The following CXCL12 variants were observed in gnomAD, a reference collection of about 807,000 sequenced individuals.
CXCL12 encodes stromal cell-derived factor 1.
CXCL12 carries 4 observed loss-of-function variants against 10.7 expected under a neutral mutation model. That is an observed-to-expected ratio of 0.37 (90% confidence interval 0.18 to 0.86). The LOEUF is 0.86. Among genes scored for constraint, CXCL12 ranks in the 40% least tolerant of loss-of-function variants. The pLI is 0.43. For synonymous variants in CXCL12, 54 were observed against 45.4 expected (o/e 1.19, Z -0.77); for missense variants, 122 against 110.4 (o/e 1.10, Z -0.47).
chr10:44,372,761 C>T, downstream of CXCL12: 2 of 1,438,388 alleles, frequency 1.4e-6, no homozygotes, highest in Non-Finnish European at 1.8e-6. Context: ...CCTCACACTG[C>T]TGCCTCAGCT....
At position 44,380,820 on chromosome 10, in the gene CXCL12, C is replaced by T. The variant is rs1348700155; in HGVS notation, c.122G>A (p.Arg41Lys). The T allele has an allele frequency of 6.2e-7, 1 of 1,614,244 alleles. No individual in the cohort carries two copies. The highest frequency in any genetic ancestry group is 1.1e-5 in the South Asian group (1 of 91,084). Residue 41 changes from arginine to lysine, a missense_variant, in exon 2 of 3, where the codon AGA (arginine) becomes AAA (lysine). Coordinates refer to ENST00000343575, the MANE Select transcript of CXCL12 (RefSeq NM_199168.4). ...AATTTTGAGATGCTTGACGTTGGCT[C>T]TGGCAACATGGCTTTCGAAGAATCG... Reference protein sequence around the residue: ...PCRFFESHVARANVKHLKILN... With the variant: ...PCRFFESHVAKANVKHLKILN...
At chr10:44,373,426 G>T, downstream of CXCL12, 1 of 1,242,404 alleles carries the variant, frequency 8.0e-7, no homozygotes. Flanking sequence ...CGGCCTGCGC[G>T]GAGGCCCTGG....
Position 44,378,310 on chromosome 10 carries a change from T to C in CXCL12, c.*323A>G. The C allele has an allele frequency of 2.0e-6, 3 of 1,477,682 alleles. No homozygotes were observed. The highest frequency in any genetic ancestry group is 1.8e-6 in the Non-Finnish European group (2 of 1,103,690). The allele number at this position is 1,477,682 out of a possible 1,614,324, so 91.5% of individuals were successfully genotyped here. A position where few individuals can be genotyped will look rare whatever the true frequency, so the allele number is the denominator to read the frequency against. ...AGAATGAGAATGATGATGATTGTGA[T>C]GATCATGAAGGAACTAACTGCTTGA... On this transcript the variant is annotated 3_prime_UTR_variant, in exon 3 of 3. Transcript: ENST00000343575.
At chr10:44,374,861 G>A (rs1435681648), downstream of CXCL12, 14 of 368,702 alleles carry the variant, frequency 3.8e-5, no homozygotes, top group East Asian at 7.3e-4. Flanking sequence ...TCCTTTTTCC[G>A]AGCACTACTG....
chr10:44,380,917 C>T (rs80146880), intron 1 of CXCL12, 37 bp from the exon 2 acceptor site: 671 of 1,572,866 alleles, frequency 4.3e-4, no homozygotes, highest in Non-Finnish European at 5.5e-4. Context: ...CTTTACTACC[C>T]TGCCAGATTT....
downstream of CXCL12, chr10:44,373,152 A>T (rs1415797202): frequency 2.9e-5 from 44 of 1,536,614 alleles, 1 homozygote; most frequent in Admixed American, 8.8e-4. Context: ...TGAAAAATAA[A>T]TGTCATGTAT....
chr10:44,370,652 C>G (rs569929554), exon 4 of CXCL12: 1 of 152,216 alleles, frequency 6.6e-6, no homozygotes, highest in Non-Finnish European at 1.5e-5. Context: ...ACCAGTCAGA[C>G]GATCACACCA....
rs746983728 is a variant in CXCL12 at position 44,384,933 on chromosome 10, G to A, written c.61+12C>T. 1 of 1,542,438 alleles carries A rather than the reference G, an allele frequency of 6.5e-7. No individual in the cohort carries two copies. ...AGAGCCTCGCCAGGGCCTCCCCGCCGAGCGCACTTACCGTCGCTGAGGCAG... is the reference window on the plus strand; with the variant it reads ...AGAGCCTCGCCAGGGCCTCCCCGCCAAGCGCACTTACCGTCGCTGAGGCAG... On this transcript the variant is annotated intron_variant, in intron 1 of 2. Coordinates refer to ENST00000343575, the MANE Select transcript of CXCL12 (RefSeq NM_199168.4).
At position 44,380,777 on chromosome 10, in the gene CXCL12, A is replaced by T. The variant is rs771897090; in HGVS notation, c.165T>A (p.Cys55Ter). 1.2e-6 allele frequency: 2 copies of T among 1,613,676 alleles called. No individual in the cohort carries two copies. The highest frequency in any genetic ancestry group is 1.7e-6 in the Non-Finnish European group (2 of 1,179,522). ...TCAAGACTTACACAATCTGAAGGGC[A>T]CAGTTTGGAGTGTTGAGAATTTTGA... ...KHLKILNTPN[C>*]ALQIVARLKN... Residue 55 changes from cysteine to a stop codon, truncating the protein, a stop_gained, in exon 2 of 3, where the codon TGT (cysteine) becomes TGA (stop). Transcript: ENST00000343575. LOFTEE classifies it high-confidence loss of function.
rs748985781 is a variant in CXCL12 at position 44,380,866 on chromosome 10, G to A, written c.76C>T (p.Leu26=). The change falls in exon 2 of 3, where the codon CTG becomes TTG. Residue 26 remains leucine, a synonymous_variant. Transcript: ENST00000343575. ...LCLSDGKPVS[L]SYRCPCRFFE... ...AATCGGCATGGGCATCTGTAGCTCA[G>A]GCTGACGGGCTTCCCTAGAAGAGGT... 4 of 1,614,228 alleles carry A rather than the reference G, an allele frequency of 2.5e-6. No homozygotes were observed. The highest frequency in any genetic ancestry group is 2.2e-5 in the South Asian group (2 of 91,082).
chr10:44,377,517 T>C lies in CXCL12; in HGVS notation c.*1116A>G, dbSNP rs531990090. 16 of 1,399,606 alleles carry C rather than the reference T, an allele frequency of 1.1e-5. No individual in the cohort carries two copies. Among genetic ancestry groups the C allele is most frequent in the African/African-American group, 1.5e-5 (1 of 68,546 alleles). 86.7% of individuals were successfully genotyped at this position (1,399,606 alleles called of 1,614,324 possible). A position where few individuals can be genotyped will look rare whatever the true frequency, so the allele number is the denominator to read the frequency against. Reference sequence around the variant, plus strand: ...AATGTCACCTTGCCAACAGTTCTGATTGGAACCTGAAACCCTGCTGTGGCT... The same window carrying C: ...AATGTCACCTTGCCAACAGTTCTGACTGGAACCTGAAACCCTGCTGTGGCT... On this transcript the variant is annotated 3_prime_UTR_variant, in exon 3 of 3. Coordinates refer to ENST00000343575, the MANE Select transcript of CXCL12 (RefSeq NM_199168.4).
chr10:44,384,789 G>A (rs931383451), intron 1 of CXCL12, among the ~76,000 whole-genome samples, 156 bp downstream of exon 1: 1 of 152,190 alleles, frequency 6.6e-6, no homozygotes, highest in Non-Finnish European at 1.5e-5. Context: ...CTTTGAACGC[G>A]ACACCGCACC....
downstream of CXCL12, chr10:44,372,480 G>A (rs1438842376): frequency 3.0e-6 from 1 of 332,644 alleles, no homozygotes; most frequent in African/African-American, 2.2e-5. Context: ...CACAGAGGAG[G>A]ACGCTGGCTT....
chr10:44,375,254 G>A (rs909180117), downstream of CXCL12, among the ~76,000 whole-genome samples: 14 of 152,176 alleles, frequency 9.2e-5, no homozygotes, highest in Non-Finnish European at 1.8e-4. Flanking sequence ...GCATTCCCTC[G>A]GGCTCACCCC....
At chr10:44,374,517 G>A, downstream of CXCL12, 2 of 456,094 alleles carry the variant, frequency 4.4e-6, no homozygotes, top group Non-Finnish European at 8.8e-6. Flanking sequence ...CCCCAGTGCT[G>A]GCAAGAGGAA....
downstream of CXCL12, chr10:44,375,720 C>A: frequency 3.4e-6 from 3 of 877,818 alleles, no homozygotes; most frequent in African/African-American, 5.1e-5. Context: ...CCAGTCTCTG[C>A]ACAACTACTT....
downstream of CXCL12, chr10:44,375,986 T>C (rs1839439056): frequency 6.2e-7 from 1 of 1,613,902 alleles, no homozygotes; most frequent in Non-Finnish European, 8.5e-7. Context: ...TGTCGCTTCT[T>C]TTTTCCTATC....
At chr10:44,375,580 G>A (rs909232464), downstream of CXCL12, among the ~76,000 whole-genome samples, 1 of 152,220 alleles carries the variant, frequency 6.6e-6, no homozygotes, top group Non-Finnish European at 1.5e-5. Context: ...GCTCCCCAGT[G>A]AGCGCAGGCC....
downstream of CXCL12, among the ~76,000 whole-genome samples, chr10:44,374,942 A>G (rs916045444): frequency 1.8e-4 from 27 of 152,260 alleles, no homozygotes; most frequent in African/African-American, 6.3e-4. Context: ...TCACACATAC[A>G]TCTACATGGG....
Sources: gnomAD v4.1 joint callset for allele counts (sites outside exome capture counted in the v4.1 genomes callset) on GRCh38, gnomAD v4.1.1 for gene constraint, MANE v1.5 for transcripts, NCBI Gene and HGNC (gene_info 2026-07-23, HGNC 2026-07-21) for gene names.